USP16: variants seen among roughly 807,000 people sequenced by gnomAD.
USP16 encodes the protein ubiquitin carboxyl-terminal hydrolase 16.
In USP16, 77 loss-of-function variants were observed where a neutral mutation model predicts 95.9. That is an observed-to-expected ratio of 0.80 (90% CI 0.67 to 0.97). The LOEUF (loss-of-function observed/expected upper bound fraction) is 0.97. Ranked by LOEUF, USP16 falls within the 50% of genes least tolerant of loss-of-function variation. The pLI, the probability that USP16 is intolerant of heterozygous loss-of-function variation, is 0.00. For synonymous variants in USP16, 303 were observed against 318.2 expected, an observed-to-expected ratio of 0.95 and a Z score of 0.51; for missense variants, 943 against 959.9, an observed-to-expected ratio of 0.98 and a Z score of 0.23.
intron 2 of USP16, among the ~76,000 whole-genome samples, chr21:29,028,286 C>G (rs1039087088): frequency 1.3e-4 from 20 of 150,364 alleles, no homozygotes; most frequent in African/African-American, 4.6e-4. Flanking sequence ...CCACAGCCAG[C>G]TAATTTTTTT....
Position 29,050,135 on chromosome 21 carries a change from C to T in USP16, c.2150C>T (p.Pro717Leu), listed in dbSNP as rs754055833. ...LRKVNKHIKF[P>L]EILDLAPFCT... ...AAAGTTAACAAACACATAAAGTTTCCGGAAATCTTAGATTTGGCTCCTTTT... is the reference window on the plus strand; with the variant it reads ...AAAGTTAACAAACACATAAAGTTTCTGGAAATCTTAGATTTGGCTCCTTTT... Residue 717 changes from proline (P) to leucine (L), a missense_variant, in exon 16 of 18, where the codon CCG (proline) becomes CTG (leucine). Physicochemically the swap from Pro to Leu is moderately conservative, Grantham distance 98. Coordinates refer to ENST00000399976, the MANE Select transcript of USP16 (RefSeq NM_006447.3). The T allele has an allele frequency of 3.8e-5, 61 of 1,613,358 alleles. No individual in the cohort carries two copies. Among genetic ancestry groups the T allele is most frequent in the South Asian group, 7.7e-5 (7 of 90,942 alleles).
At chr21:29,031,464 G>A (rs1479197929) in intron 3 of USP16, among the ~76,000 whole-genome samples, 1 of 151,954 alleles carries the variant, frequency 6.6e-6, no homozygotes, top group Admixed American at 6.6e-5. Context: ...TTTGAGATGG[G>A]GTCTCACTCT....
At chr21:29,042,589 G>GGAA in intron 12 of USP16, 61 bp downstream of exon 12, 1 of 1,465,324 alleles carries the variant, frequency 6.8e-7, no homozygotes, top group East Asian at 2.4e-5. Flanking sequence ...TTTTGTGGGG[G>GGAA]GAAGCCTTGT....
Position 29,046,802 on chromosome 21 carries a change from A to G in USP16, c.1492A>G (p.Ile498Val). The G allele has an allele frequency of 2.5e-6, 4 of 1,614,126 alleles. No homozygotes were observed. The highest frequency in any genetic ancestry group is 2.2e-5 in the East Asian group (1 of 44,852). The change falls in exon 14 of 18, where the codon ATT becomes GTT. Residue 498 changes from isoleucine to valine, a missense_variant. Physicochemically the swap from Ile to Val is conservative, Grantham distance 29 (BLOSUM62 3). Transcript: ENST00000399976. ...AGAAGTAAATATTAAATCCAACCAT[A>G]TTTCACAAGAGGGTGTTATGCATAA... ...QGEVNIKSNH[I>V]SQEGVMHKEY...
At chr21:29,049,359 T>A (rs2085379204) in intron 15 of USP16, among the ~76,000 whole-genome samples, 1 of 152,206 alleles carries the variant, frequency 6.6e-6, no homozygotes, top group African/African-American at 2.4e-5. Flanking sequence ...ACGTTTTGCC[T>A]CTTGTGGTTG....
At position 29,030,718 on chromosome 21, in the gene USP16, AAGAAGAAAC is replaced by A. The variant is rs768996685; in HGVS notation, c.194_202del (p.Thr65_Glu67del). ...GACAATAAAGTGAAAGATAAAGCTG[AAGAAGAAAC>A]AGAAGAAAAGCCTTCAGTTTGGCTG... is the stretch of plus-strand genomic sequence containing the variant. On this transcript the variant is annotated inframe_deletion, in exon 3 of 18. Coordinates refer to ENST00000399976, the MANE Select transcript of USP16 (RefSeq NM_006447.3). 1.4e-5 allele frequency: 22 copies of A among 1,613,772 alleles called. No individual in the cohort carries two copies. Among genetic ancestry groups the A allele is most frequent in the Non-Finnish European group, 1.6e-5 (19 of 1,179,912 alleles).
rs2085206126 is a variant in USP16 at position 29,039,137 on chromosome 21, T to C, written c.844T>C (p.Phe282Leu). The change falls in exon 8 of 18, where the codon TTT becomes CTT. Residue 282 changes from phenylalanine (F) to leucine (L), a missense_variant. By Grantham distance (22) the Phe-to-Leu change is conservative (BLOSUM62 0). Coordinates refer to ENST00000399976, the MANE Select transcript of USP16 (RefSeq NM_006447.3). ...GGGGGTTGTGACACCGAAAGAACTCTTTTCTCAGGTCTGTAAAAAGTGAGT... is the reference window on the plus strand; with the variant it reads ...GGGGGTTGTGACACCGAAAGAACTCCTTTCTCAGGTCTGTAAAAAGTGAGT... ...KKGVVTPKEL[F>L]SQVCKKAVRF... 2 of 1,573,508 alleles carry C rather than the reference T, an allele frequency of 1.3e-6. No individual in the cohort carries two copies. Among genetic ancestry groups the C allele is most frequent in the Non-Finnish European group, 1.7e-6 (2 of 1,157,720 alleles).
chr21:29,036,456 A>G, intron 5 of USP16, 82 bp downstream of exon 5: 2 of 1,275,032 alleles, frequency 1.6e-6, no homozygotes, highest in South Asian at 1.3e-5. Flanking sequence ...ACTACCTAGC[A>G]TTACATACAG....
intron 16 of USP16, 37 bp downstream of exon 16, chr21:29,050,215 A>G: frequency 6.3e-7 from 1 of 1,594,518 alleles, no homozygotes; most frequent in Non-Finnish European, 8.6e-7. Flanking sequence ...AAGTCCTTTA[A>G]AGTCAAATTG....
intron 3 of USP16, among the ~76,000 whole-genome samples, chr21:29,031,853 C>T (rs2085082070): frequency 1.3e-5 from 2 of 152,022 alleles, no homozygotes; most frequent in Admixed American, 1.3e-4. Context: ...TCTCAGAGTC[C>T]CCCAGTGGTA....
At chr21:29,050,444 A>G (rs2085396909) in intron 16 of USP16, among the ~76,000 whole-genome samples, 2 of 152,200 alleles carry the variant, frequency 1.3e-5, no homozygotes, top group South Asian at 4.1e-4. Context: ...GAGCAGATCT[A>G]TTAATGAATA....
At chr21:29,052,292 G>C (rs1000836270) in intron 16 of USP16, 1 of 152,186 alleles carries the variant, frequency 6.6e-6, no homozygotes, top group African/African-American at 2.4e-5. Flanking sequence ...AGATATACTG[G>C]ACAAGATATA....
At chr21:29,025,997 A>C (rs1225036010) in intron 1 of USP16, among the ~76,000 whole-genome samples, 1 of 152,266 alleles carries the variant, frequency 6.6e-6, no homozygotes, top group Non-Finnish European at 1.5e-5. Flanking sequence ...AGCATACCAT[A>C]AATACTGGGG....
Position 29,053,848 on chromosome 21 carries a change from T to G in USP16, c.2240T>G (p.Val747Gly), listed in dbSNP as rs781221163. The G allele has an allele frequency of 2.5e-6, 4 of 1,614,018 alleles. No homozygotes were observed. The highest frequency in any genetic ancestry group is 1.7e-6 in the Non-Finnish European group (2 of 1,179,992). ...AGGGTACTCTATTCCTTATATGGAGTTGTTGAACACAGTGGTACTATGAGG... is the reference window on the plus strand; with the variant it reads ...AGGGTACTCTATTCCTTATATGGAGGTGTTGAACACAGTGGTACTATGAGG... ...NTRVLYSLYG[V>G]VEHSGTMRSG... is the part of the protein sequence containing the mutation. The change falls in exon 17 of 18, where the codon GTT becomes GGT. Residue 747 changes from valine to glycine, a missense_variant. By Grantham distance (109) the Val-to-Gly change is moderately radical. Coordinates refer to ENST00000399976, the MANE Select transcript of USP16 (RefSeq NM_006447.3).
chr21:29,025,023 T>A (rs1336587047), intron 1 of USP16: 4 of 316,242 alleles, frequency 1.3e-5, no homozygotes, highest in Non-Finnish European at 2.3e-5. Context: ...CCCCGTGGGA[T>A]CGGAGCAGTT....
chr21:29,051,422 A>C (rs2085412185), intron 16 of USP16, among the ~76,000 whole-genome samples: 1 of 152,218 alleles, frequency 6.6e-6, no homozygotes, highest in African/African-American at 2.4e-5. Context: ...TTGTGTATAG[A>C]GTCTGAAGAG....
chr21:29,051,754 C>T (rs1462667380), intron 16 of USP16, among the ~76,000 whole-genome samples: 1 of 151,900 alleles, frequency 6.6e-6, no homozygotes, highest in Non-Finnish European at 1.5e-5. Flanking sequence ...TTGCTGGAAC[C>T]TGGGAGGCAG....
rs575281375 is a variant in USP16, at chr21:29,024,760, T to C, written c.-59T>C. ...AAAGGCCCATGAGGGGATGCAGTTA[T>C]GGGCTCTGTCGCCGTGGGTGAGTTC... On this transcript the variant is annotated 5_prime_UTR_variant, in exon 1 of 18. The change abolishes an upstream ATG in the 5' untranslated region. Coordinates refer to ENST00000399976, the MANE Select transcript of USP16 (RefSeq NM_006447.3). 27 of 1,288,806 alleles carry C rather than the reference T, an allele frequency of 2.1e-5. No individual in the cohort carries two copies. The African/African-American group carries it at 3.2e-4, about 15-fold the overall frequency. The allele number at this position is 1,288,806 out of a possible 1,614,324, so 79.8% of individuals were successfully genotyped here. A position where few individuals can be genotyped will look rare whatever the true frequency, so the allele number is the denominator to read the frequency against.
chr21:29,040,342 G>C (rs1233829841), intron 9 of USP16, among the ~76,000 whole-genome samples: 4 of 152,160 alleles, frequency 2.6e-5, no homozygotes, highest in Non-Finnish European at 5.9e-5. Flanking sequence ...CTTCTCAAAG[G>C]TGGTGGGCAT....
Sources: gnomAD v4.1 joint callset for allele counts (sites outside exome capture counted in the v4.1 genomes callset) on GRCh38, gnomAD v4.1.1 for gene constraint, MANE v1.5 for transcripts, NCBI Gene and HGNC (gene_info 2026-07-23, HGNC 2026-07-21) for gene names.